GPATCH2: variants seen among roughly 807,000 people sequenced by gnomAD.
The protein encoded by GPATCH2 is G patch domain-containing protein 2.
Under a neutral mutation model 58.0 loss-of-function variants are expected in GPATCH2, and 51 were observed. The observed-to-expected ratio is 0.88, with a 90% CI of 0.70 to 1.11. The LOEUF (loss-of-function observed/expected upper bound fraction) is 1.11, where lower values mean the gene tolerates loss of function less well. Among genes scored for constraint, GPATCH2 ranks in the 50% most tolerant of loss-of-function variants. The pLI is 0.00. For synonymous variants in GPATCH2, 222 were observed against 218.5 expected (o/e 1.02, Z -0.14); for missense variants, 625 against 652.2 (o/e 0.96, Z 0.45).
At chr1:217,585,102 T>C in intron 5 of GPATCH2, among the ~76,000 whole-genome samples, 1 of 152,076 alleles carries the variant, frequency 6.6e-6, no homozygotes, top group Non-Finnish European at 1.5e-5. Flanking sequence ...GTTAATCCAC[T>C]TCAAACACTA....
At chr1:217,461,436 AC>A (rs1310211432) in intron 8 of GPATCH2, among the ~76,000 whole-genome samples, 5 of 152,296 alleles carry the variant, frequency 3.3e-5, no homozygotes, top group African/African-American at 1.2e-4. Flanking sequence ...TTCTAGCCAG[AC>A]TGTATATTCC....
intron 5 of GPATCH2, among the ~76,000 whole-genome samples, chr1:217,518,512 G>A (rs541870321): frequency 3.3e-5 from 5 of 152,124 alleles, no homozygotes; most frequent in African/African-American, 1.2e-4. Flanking sequence ...TCATTTAATT[G>A]TGTCATTATC....
intron 4 of GPATCH2, 91 bp from the exon 5 acceptor site, chr1:217,610,491 A>G (rs562280481): frequency 3.5e-5 from 28 of 788,774 alleles, no homozygotes; most frequent in Non-Finnish European, 5.5e-5. Context: ...AAAGAAAAGT[A>G]AGTTGGTGGT....
At chr1:217,507,297 C>T (rs1384809453) in intron 6 of GPATCH2, among the ~76,000 whole-genome samples, 1 of 152,168 alleles carries the variant, frequency 6.6e-6, no homozygotes, top group Non-Finnish European at 1.5e-5. Flanking sequence ...GACCAGGATG[C>T]TAACGGTATT....
chr1:217,443,073 A>T (rs1013582125), intron 9 of GPATCH2, among the ~76,000 whole-genome samples: 5 of 152,160 alleles, frequency 3.3e-5, no homozygotes, highest in Non-Finnish European at 7.4e-5. Context: ...TACACATCCA[A>T]ATTAATCATC....
At chr1:217,605,725 AC>A (rs1393650113) in intron 5 of GPATCH2, among the ~76,000 whole-genome samples, 22 of 152,200 alleles carry the variant, frequency 1.4e-4, no homozygotes, top group Admixed American at 1.4e-3. Context: ...TACAAAAAAT[AC>A]TGATTTTTTA....
At chr1:217,611,888 A>G (rs1353163767) in intron 3 of GPATCH2, among the ~76,000 whole-genome samples, 2 of 152,174 alleles carry the variant, frequency 1.3e-5, no homozygotes, top group African/African-American at 2.4e-5. Flanking sequence ...TTTTAAAAGA[A>G]AGAGACACAG....
intron 8 of GPATCH2, among the ~76,000 whole-genome samples, chr1:217,466,621 A>G (rs1660464102): frequency 6.6e-6 from 1 of 152,206 alleles, no homozygotes; most frequent in Admixed American, 6.5e-5. Context: ...ACATGAGGCC[A>G]GCTAACTTCA....
At chr1:217,480,654 G>T (rs1661172846) in intron 8 of GPATCH2, among the ~76,000 whole-genome samples, 1 of 152,176 alleles carries the variant, frequency 6.6e-6, no homozygotes, top group Admixed American at 6.5e-5. Context: ...GTACCTAAAA[G>T]AATGGAAATC....
chr1:217,457,454 A>T (rs1484254321), intron 8 of GPATCH2, among the ~76,000 whole-genome samples: 1 of 152,228 alleles, frequency 6.6e-6, no homozygotes, highest in Admixed American at 6.5e-5. Context: ...TATATTCAAT[A>T]ACTGTTAGCT....
chr1:217,606,668 G>T (rs1668375906), intron 5 of GPATCH2, among the ~76,000 whole-genome samples: 1 of 152,022 alleles, frequency 6.6e-6, no homozygotes, highest in African/African-American at 2.4e-5. Flanking sequence ...TTGAGCCTGG[G>T]AGGTCACGGC....
intron 5 of GPATCH2, among the ~76,000 whole-genome samples, chr1:217,551,355 C>T (rs1665352001): frequency 6.6e-6 from 1 of 152,060 alleles, no homozygotes; most frequent in Admixed American, 6.6e-5. Context: ...TCCTAAAAGG[C>T]ATCAGTATCA....
chr1:217,484,531 A>G (rs1661357874), intron 8 of GPATCH2, among the ~76,000 whole-genome samples: 1 of 140,002 alleles, frequency 7.1e-6, no homozygotes, highest in Admixed American at 8.1e-5. Context: ...AATTCCTTCA[A>G]ATAAATCTTT....
At chr1:217,621,010 C>A (rs1007043018) in intron 1 of GPATCH2, among the ~76,000 whole-genome samples, 3 of 152,134 alleles carry the variant, frequency 2.0e-5, no homozygotes, top group African/African-American at 7.2e-5. Context: ...TAGTAATATA[C>A]GTGAAAGTTT....
intron 5 of GPATCH2, among the ~76,000 whole-genome samples, chr1:217,576,729 A>C (rs1481227408): frequency 6.6e-6 from 1 of 152,192 alleles, no homozygotes; most frequent in Non-Finnish European, 1.5e-5. Context: ...ACATGATCGC[A>C]CCAGTACGGA....
intron 6 of GPATCH2, among the ~76,000 whole-genome samples, chr1:217,510,930 TA>T (rs1420464485): frequency 6.6e-6 from 1 of 151,468 alleles, no homozygotes; most frequent in African/African-American, 2.4e-5. Context: ...CTGTATCCAC[TA>T]AAAAAATACA....
intron 5 of GPATCH2, among the ~76,000 whole-genome samples, chr1:217,538,719 G>A (rs1221274956): frequency 6.6e-6 from 1 of 152,224 alleles, no homozygotes; most frequent in Middle Eastern, 3.4e-3. Flanking sequence ...GTTAAGATGG[G>A]CATAAATCCT....
intron 9 of GPATCH2, among the ~76,000 whole-genome samples, chr1:217,448,311 A>G (rs565547941): frequency 6.6e-6 from 1 of 152,266 alleles, no homozygotes; most frequent in Admixed American, 6.5e-5. Flanking sequence ...GCTAAGAGAA[A>G]ATTTCTAAAT....
intron 8 of GPATCH2, among the ~76,000 whole-genome samples, chr1:217,468,447 T>A (rs945982124): frequency 6.6e-6 from 1 of 151,618 alleles, no homozygotes; most frequent in Admixed American, 6.6e-5. Flanking sequence ...CATTCCAATA[T>A]GTGAGAAACT....
Sources: gnomAD v4.1 joint callset for allele counts (sites outside exome capture counted in the v4.1 genomes callset) on GRCh38, gnomAD v4.1.1 for gene constraint, MANE v1.5 for transcripts, NCBI Gene and HGNC (gene_info 2026-07-23, HGNC 2026-07-21) for gene names.